GOLGA4: variants seen among roughly 807,000 people sequenced by gnomAD.
GOLGA4 encodes the protein golgin subfamily A member 4.
In GOLGA4, 169 loss-of-function variants were observed where a neutral mutation model predicts 265.9. That is an observed-to-expected ratio of 0.64 (90% CI 0.56 to 0.72). GOLGA4 has a LOEUF of 0.72. Ranked by LOEUF, GOLGA4 falls within the 30% of genes least tolerant of loss-of-function variation. GOLGA4 has a pLI of 0.00. For missense variants in GOLGA4, 2,482 were observed against 2,483.4 expected (o/e 1.00, Z 0.01); for synonymous variants, 923 against 855.8 (o/e 1.08, Z -1.37).
rs771135254 is a variant in GOLGA4 at position 37,326,323 on chromosome 3, G to A, written c.4437G>A (p.Glu1479=). Reference sequence around the variant, plus strand: ...CAAAGGAAGCTTATGAAAAGGATGAGCAGATAAATTTATTGAAGGAAGAGC... The same window carrying A: ...CAAAGGAAGCTTATGAAAAGGATGAACAGATAAATTTATTGAAGGAAGAGC... ...LKSKEAYEKD[E]QINLLKEELD... is the part of the protein sequence containing the mutation. The change falls in exon 14 of 24, where the codon GAG becomes GAA. Residue 1479 remains glutamate, a synonymous_variant. Transcript: ENST00000361924. 43 of 1,611,398 alleles carry A rather than the reference G, an allele frequency of 2.7e-5. No homozygotes were observed. Among genetic ancestry groups the A allele is most frequent in the Non-Finnish European group, 3.4e-5 (40 of 1,178,848 alleles).
chr3:37,340,045 G>T, intron 19 of GOLGA4, 79 bp from the exon 20 acceptor site: 2 of 636,336 alleles, frequency 3.1e-6, no homozygotes, highest in Non-Finnish European at 2.8e-6. Context: ...AAAAAACCTT[G>T]TGGTGACAGC....
chr3:37,253,055 C>T (rs1382279885), intron 2 of GOLGA4, among the ~76,000 whole-genome samples: 1 of 151,922 alleles, frequency 6.6e-6, no homozygotes, highest in Non-Finnish European at 1.5e-5. Flanking sequence ...TTGAGACCAG[C>T]CTGGGCAACA....
chr3:37,320,669 A>G (rs951685434), intron 12 of GOLGA4, among the ~76,000 whole-genome samples: 2 of 152,232 alleles, frequency 1.3e-5, no homozygotes, highest in African/African-American at 4.8e-5. Flanking sequence ...AAGTTAAGGA[A>G]CAAAGTGGGA....
At chr3:37,285,638 G>C (rs968491385) in intron 3 of GOLGA4, among the ~76,000 whole-genome samples, 2 of 152,208 alleles carry the variant, frequency 1.3e-5, no homozygotes, top group Non-Finnish European at 2.9e-5. Context: ...TTAGATTGGG[G>C]TGGGGCCCAA....
intron 16 of GOLGA4, among the ~76,000 whole-genome samples, chr3:37,332,656 G>T (rs2096994654): frequency 6.6e-6 from 1 of 151,918 alleles, no homozygotes; most frequent in African/African-American, 2.4e-5. Context: ...AATGAAAATT[G>T]TACCCATTCC....
intron 3 of GOLGA4, among the ~76,000 whole-genome samples, chr3:37,285,776 T>G (rs1186852151): frequency 1.3e-5 from 2 of 152,240 alleles, no homozygotes; most frequent in Non-Finnish European, 2.9e-5. Context: ...GTACTGAAAT[T>G]TAGAGGTGTA....
chr3:37,347,391 TAGCAAATC>T lies in GOLGA4; in HGVS notation c.6576+98_6576+105del, dbSNP rs374771753. On this transcript the variant is annotated intron_variant, in intron 21 of 23. Coordinates refer to ENST00000361924, the MANE Select transcript of GOLGA4 (RefSeq NM_002078.5). Reference sequence around the variant, plus strand: ...CATGTGAATGCCATATGTTTACTATTAGCAAATCAGACATGCTAATAGTAGGTAATAGA... The same window carrying T: ...CATGTGAATGCCATATGTTTACTATTAGACATGCTAATAGTAGGTAATAGA... The T allele has an allele frequency of 1.8e-4, 126 of 684,648 alleles. No individual in the cohort carries two copies. In the African/African-American group the frequency reaches 2.0e-3, roughly 11 times the overall value. 42.4% of individuals were successfully genotyped at this position (684,648 alleles called of 1,614,324 possible). A position where few individuals can be genotyped will look rare whatever the true frequency, so the allele number is the denominator to read the frequency against.
intron 20 of GOLGA4, 31 bp from the exon 21 acceptor site, chr3:37,347,162 T>G (rs367801977): frequency 6.8e-6 from 9 of 1,323,214 alleles, no homozygotes; most frequent in Non-Finnish European, 8.7e-6. Context: ...GGTTTTGTCT[T>G]TACAGTTTGA....
chr3:37,365,458 G>A (rs1431535846), intron 23 of GOLGA4, among the ~76,000 whole-genome samples: 1 of 152,158 alleles, frequency 6.6e-6, no homozygotes, highest in East Asian at 1.9e-4. Context: ...AGTAGAGACA[G>A]GGTTTTGCCA....
At chr3:37,243,691 C>T (rs1376867048) in intron 1 of GOLGA4, 69 bp downstream of exon 1, 20 of 1,301,294 alleles carry the variant, frequency 1.5e-5, no homozygotes, top group Middle Eastern at 2.3e-4. Flanking sequence ...ACGAAAGAGG[C>T]GGGGGGAGTG....
intron 6 of GOLGA4, 64 bp from the exon 7 acceptor site, chr3:37,296,023 G>A: frequency 7.0e-7 from 1 of 1,433,776 alleles, no homozygotes; most frequent in African/African-American, 1.4e-5. Context: ...CAGATACCAA[G>A]GGACAATTGT....
At chr3:37,318,286 A>G (rs149839300) in intron 11 of GOLGA4, among the ~76,000 whole-genome samples, 3,100 of 152,204 alleles carry the variant, frequency 0.02, 80 homozygotes, top group African/African-American at 0.059. Context: ...GGCTCAAGCA[A>G]TCCTCCTGCC....
Position 37,272,687 on chromosome 3 carries a change from G to A in GOLGA4, c.163-9271G>A, listed in dbSNP as rs543695169. 1.9e-3 allele frequency among the ~76,000 whole-genome samples: 284 copies of A among 152,318 alleles called. 11 individuals carry two copies. In the South Asian group the frequency reaches 0.057, roughly 30 times the overall value. ...ACCTTTTTCACTTAAGAATAAGTTA[G>A]GTCAGATATTTGCCTTTCCTTGGTC... is the stretch of plus-strand genomic sequence containing the variant. On this transcript the variant is annotated intron_variant, in intron 2 of 23. Transcript: ENST00000361924.
chr3:37,288,319 C>T (rs993950713), intron 4 of GOLGA4, among the ~76,000 whole-genome samples: 1 of 151,298 alleles, frequency 6.6e-6, no homozygotes, highest in Non-Finnish European at 1.5e-5. Flanking sequence ...CTATGTTGAA[C>T]AGGCTGGTCT....
intron 23 of GOLGA4, among the ~76,000 whole-genome samples, chr3:37,363,364 A>G (rs1056904315): frequency 3.9e-5 from 6 of 152,200 alleles, no homozygotes; most frequent in East Asian, 1.9e-4. Context: ...CTGAATATCA[A>G]TTATCACTGG....
intron 4 of GOLGA4, 72 bp downstream of exon 4, chr3:37,286,133 TCTTTC>T (rs2096848075): frequency 2.4e-5 from 13 of 535,114 alleles, no homozygotes; most frequent in Non-Finnish European, 3.0e-5. Context: ...GTAAGATATT[TCTTTC>T]TTTTTTTTTT....
At chr3:37,269,742 G>T (rs910231649) in intron 2 of GOLGA4, among the ~76,000 whole-genome samples, 13 of 151,980 alleles carry the variant, frequency 8.6e-5, no homozygotes, top group African/African-American at 2.9e-4. Context: ...GGGCAACTTA[G>T]GCCAGTACTT....
intron 23 of GOLGA4, 78 bp from the exon 24 acceptor site, chr3:37,366,002 A>G: frequency 8.0e-7 from 1 of 1,246,732 alleles, no homozygotes; most frequent in Admixed American, 2.3e-5. Context: ...GAAAAAACAA[A>G]TATCCCAAAA....
rs1214514212 is a variant in GOLGA4 at position 37,299,279 on chromosome 3, T to A, written c.1003-9T>A. The A allele has an allele frequency of 1.9e-6, 3 of 1,590,820 alleles. No homozygotes were observed. Among genetic ancestry groups the A allele is most frequent in the Non-Finnish European group, 2.6e-6 (3 of 1,161,162 alleles). On this transcript the variant is annotated splice_polypyrimidine_tract_variant and intron_variant, in intron 8 of 23. Transcript: ENST00000361924. The stretch of plus-strand genomic sequence containing the variant: ...TAGAGATGGAAATGAATTTAAAAAT[T>A]TTTTTTAGGACCTTCATATGGCCGA...
Sources: allele counts gnomAD v4.1 joint callset (sites outside exome capture counted in the v4.1 genomes callset), GRCh38; gene constraint gnomAD v4.1.1; transcripts MANE v1.5; gene names NCBI Gene and HGNC (gene_info 2026-07-23, HGNC 2026-07-21).